Variants in ALOX5 observed in about 807,000 individuals in gnomAD.
ALOX5 encodes the protein arachidonate 5-lipoxygenase.
A neutral mutation model predicts 87.9 loss-of-function variants in ALOX5; 64 were observed. The observed-to-expected ratio is 0.73, with a 90% CI of 0.60 to 0.90. The LOEUF is 0.90. Among genes scored for constraint, ALOX5 ranks in the 40% least tolerant of loss-of-function variants. The pLI, the probability that ALOX5 is intolerant of heterozygous loss-of-function variation, is 0.00. For synonymous variants in ALOX5, 388 were observed against 355.1 expected (o/e 1.09, Z -1.04); for missense variants, 822 against 907.5 (o/e 0.91, Z 1.21).
intron 2 of ALOX5, among the ~76,000 whole-genome samples, chr10:45,395,418 G>A (rs1840461028): frequency 6.6e-6 from 1 of 152,056 alleles, no homozygotes. Context: ...AGAACACTTG[G>A]ACACAGGAAG....
At chr10:45,435,615 C>CT (rs751526189) in intron 7 of ALOX5, among the ~76,000 whole-genome samples, 17 of 152,180 alleles carry the variant, frequency 1.1e-4, no homozygotes, top group Non-Finnish European at 1.5e-5. Flanking sequence ...CGATTTCATT[C>CT]TTTTTTATGG....
At chr10:45,419,007 G>A (rs937236032) in intron 4 of ALOX5, among the ~76,000 whole-genome samples, 1 of 152,240 alleles carries the variant, frequency 6.6e-6, no homozygotes, top group Admixed American at 6.5e-5. Context: ...ATGGGCGGGG[G>A]CAGCTCCGGG....
At chr10:45,437,575 G>T (rs1842096344) in intron 7 of ALOX5, among the ~76,000 whole-genome samples, 1 of 152,104 alleles carries the variant, frequency 6.6e-6, no homozygotes, top group Admixed American at 6.5e-5. Context: ...CTATGTCCTT[G>T]TACTTTAACC....
At chr10:45,403,153 T>C (rs1840760432) in intron 3 of ALOX5, among the ~76,000 whole-genome samples, 1 of 152,180 alleles carries the variant, frequency 6.6e-6, no homozygotes, top group South Asian at 2.1e-4. Flanking sequence ...GGGATCCAAA[T>C]TTGTGTGCAT....
At chr10:45,376,187 C>G (rs761777897) in intron 1 of ALOX5, among the ~76,000 whole-genome samples, 4 of 128,522 alleles carry the variant, frequency 3.1e-5, no homozygotes, top group Non-Finnish European at 3.4e-5. Flanking sequence ...CTATCTCCCT[C>G]TCTCGGTCTG....
chr10:45,420,642 C>T (rs1403973919), intron 4 of ALOX5, among the ~76,000 whole-genome samples: 4 of 152,266 alleles, frequency 2.6e-5, no homozygotes. Flanking sequence ...CTGGCGACAG[C>T]TTGGTTTCCT....
At chr10:45,380,480 G>A (rs1489421284) in intron 1 of ALOX5, among the ~76,000 whole-genome samples, 1 of 152,224 alleles carries the variant, frequency 6.6e-6, no homozygotes, top group Non-Finnish European at 1.5e-5. Flanking sequence ...CTCTTAGGAA[G>A]CCCTCCAGGG....
At chr10:45,439,622 T>C (rs902477615) in intron 7 of ALOX5, among the ~76,000 whole-genome samples, 3 of 152,204 alleles carry the variant, frequency 2.0e-5, no homozygotes. Flanking sequence ...GGCTGGGTGC[T>C]GGTGTGGGGG....
At position 45,438,668 on chromosome 10, in the gene ALOX5, G is replaced by T. The variant is rs1358785508; in HGVS notation, c.982-1762G>T. ...GCATCTCATGCAAACGGGTGTGGCA[G>T]TGGGGACCCTGAGAGCTGGGACTCT... On this transcript the variant is annotated intron_variant, in intron 7 of 13. Coordinates refer to ENST00000374391, the MANE Select transcript of ALOX5 (RefSeq NM_000698.5). 2.0e-5 allele frequency among the ~76,000 whole-genome samples: 3 copies of T among 152,226 alleles called. No homozygotes were observed. The East Asian group carries it at 5.8e-4, about 29-fold the overall frequency.
At position 45,442,720 on chromosome 10, in the gene ALOX5, T is replaced by C. The variant is rs548721270; in HGVS notation, c.1273-318T>C. ...AGCAGACTTCACAGCCCAGGCCCGCTGGTGCTGGGGTCCCCCACACACCTG... is the reference window on the plus strand; with the variant it reads ...AGCAGACTTCACAGCCCAGGCCCGCCGGTGCTGGGGTCCCCCACACACCTG... On this transcript the variant is annotated intron_variant, in intron 9 of 13. Coordinates refer to ENST00000374391, the MANE Select transcript of ALOX5 (RefSeq NM_000698.5). 734 of 361,166 alleles carry C rather than the reference T, an allele frequency of 2.0e-3. 2 individuals are homozygous for C. The highest frequency in any genetic ancestry group is 0.011 in the Middle Eastern group (15 of 1,414). The allele number at this position is 361,166 out of a possible 1,614,324, so 22.4% of individuals were successfully genotyped here. A position where few individuals can be genotyped will look rare whatever the true frequency, so the allele number is the denominator to read the frequency against.
intron 5 of ALOX5, 100 bp downstream of exon 5, chr10:45,424,247 T>A: frequency 9.7e-7 from 1 of 1,031,460 alleles, no homozygotes; most frequent in Non-Finnish European, 1.5e-6. Flanking sequence ...TCCTGCCTGC[T>A]GCAGCATGGG....
intron 3 of ALOX5, among the ~76,000 whole-genome samples, chr10:45,400,625 T>A (rs1840665527): frequency 6.6e-6 from 1 of 151,978 alleles, no homozygotes; most frequent in African/African-American, 2.4e-5. Context: ...AGAAAAGAAA[T>A]GAACTACAGA....
chr10:45,378,635 G>T (rs755348095), intron 1 of ALOX5, among the ~76,000 whole-genome samples: 7 of 152,206 alleles, frequency 4.6e-5, no homozygotes, highest in Non-Finnish European at 1.0e-4. Context: ...ATATTTTGCA[G>T]TTTGACACAT....
intron 2 of ALOX5, among the ~76,000 whole-genome samples, chr10:45,392,055 C>T (rs1275219068): frequency 4.6e-5 from 7 of 151,866 alleles, no homozygotes; most frequent in South Asian, 2.1e-4. Context: ...GCCCCCCGCC[C>T]GGCCAGCCGC....
At chr10:45,391,077 G>GTCTCCTTCTCCC (rs1840222164) in intron 2 of ALOX5, among the ~76,000 whole-genome samples, 1 of 55,560 alleles carries the variant, frequency 1.8e-5, no homozygotes, top group Non-Finnish European at 3.0e-5. Flanking sequence ...TCTCCCCACG[G>GTCTCCTTCTCCC]TCTCCCTCTC....
At chr10:45,413,480 A>G (rs1298123333) in intron 4 of ALOX5, among the ~76,000 whole-genome samples, 6 of 152,250 alleles carry the variant, frequency 3.9e-5, no homozygotes, top group Non-Finnish European at 8.8e-5. Flanking sequence ...ACCCACAGCC[A>G]ATATCATACT....
chr10:45,445,416 A>T (rs763888082), intron 13 of ALOX5, 92 bp from the exon 14 acceptor site: 18 of 1,471,706 alleles, frequency 1.2e-5, no homozygotes, highest in Non-Finnish European at 1.7e-5. Context: ...TTCATCTCCC[A>T]AACGGTGGCT....
chr10:45,428,470 G>A, intron 6 of ALOX5, 148 bp from the exon 7 acceptor site: 1 of 985,132 alleles, frequency 1.0e-6, no homozygotes, highest in South Asian at 1.6e-5. Flanking sequence ...AATCAGCCTT[G>A]GAGTCAGAGG....
intron 9 of ALOX5, among the ~76,000 whole-genome samples, chr10:45,442,152 A>G (rs1251062745): frequency 6.6e-6 from 1 of 152,178 alleles, no homozygotes; most frequent in East Asian, 1.9e-4. Flanking sequence ...CCAGAAATGG[A>G]TCCAGGGACT....
Sources: allele counts gnomAD v4.1 joint callset (sites outside exome capture counted in the v4.1 genomes callset), GRCh38; gene constraint gnomAD v4.1.1; transcripts MANE v1.5; gene names NCBI Gene and HGNC (gene_info 2026-07-23, HGNC 2026-07-21).